BBS9: variants seen among roughly 807,000 people sequenced by gnomAD.
The protein encoded by BBS9 is protein PTHB1.
BBS9 carries 89 observed loss-of-function variants against 117.7 expected under a neutral mutation model. That is an observed-to-expected ratio of 0.76 (90% CI 0.64 to 0.90). The LOEUF (loss-of-function observed/expected upper bound fraction) is 0.90, where lower values mean the gene tolerates loss of function less well. Ranked by LOEUF, BBS9 falls within the 40% of genes least tolerant of loss-of-function variation. The pLI is 0.00. For missense variants in BBS9, 982 were observed against 1,042.2 expected, an observed-to-expected ratio of 0.94 and a Z score of 0.80; for synonymous variants, 379 against 370.9, an observed-to-expected ratio of 1.02 and a Z score of -0.25.
In BBS9 at chr7:33,223,367, C is replaced by T. The variant is rs546781633; in HGVS notation, c.443-33869C>T. On this transcript the variant is annotated intron_variant, in intron 5 of 22. Coordinates refer to ENST00000242067, the MANE Select transcript of BBS9 (RefSeq NM_198428.3). Reference sequence around the variant, plus strand: ...AGTATATGGTACACTACTATTAACTCTTGTCACCATGCTGTACAGTATATC... The same window carrying T: ...AGTATATGGTACACTACTATTAACTTTTGTCACCATGCTGTACAGTATATC... Among the ~76,000 whole-genome samples the T allele has an allele frequency of 1.3e-4, 20 of 152,258 alleles. 1 individual carries two copies. The South Asian group carries it at 3.7e-3, about 28-fold the overall frequency.
At chr7:33,494,884 A>G (rs1844501960) in intron 19 of BBS9, among the ~76,000 whole-genome samples, 3 of 152,188 alleles carry the variant, frequency 2.0e-5, no homozygotes, top group African/African-American at 7.2e-5. Flanking sequence ...AAAATAACCT[A>G]CAGTTTACCC....
At chr7:33,498,239 T>C (rs1367747223) in intron 19 of BBS9, among the ~76,000 whole-genome samples, 1 of 152,214 alleles carries the variant, frequency 6.6e-6, no homozygotes, top group Non-Finnish European at 1.5e-5. Context: ...CATTAATATA[T>C]CAAAATTGTT....
chr7:33,502,373 T>C (rs1052467819), intron 19 of BBS9, among the ~76,000 whole-genome samples: 1 of 152,152 alleles, frequency 6.6e-6, no homozygotes, highest in Admixed American at 6.5e-5. Flanking sequence ...GCTACCAATG[T>C]GAGGTCCCTG....
At chr7:33,323,653 T>C (rs1453693418) in intron 9 of BBS9, among the ~76,000 whole-genome samples, 1 of 152,016 alleles carries the variant, frequency 6.6e-6, no homozygotes, top group East Asian at 1.9e-4. Flanking sequence ...GTGTTTCTTG[T>C]AGGCAGCTGA....
chr7:33,498,133 A>G (rs1844980841), intron 19 of BBS9, among the ~76,000 whole-genome samples: 1 of 152,186 alleles, frequency 6.6e-6, no homozygotes, highest in Non-Finnish European at 1.5e-5. Context: ...AATAAGTAGC[A>G]TCACCAGTAG....
chr7:33,532,287 T>A (rs758029332), intron 20 of BBS9, among the ~76,000 whole-genome samples: 31 of 152,302 alleles, frequency 2.0e-4, no homozygotes, highest in Admixed American at 9.8e-4. Flanking sequence ...GGGAACAGAA[T>A]ACAGTGGAGC....
chr7:33,462,870 G>A (rs985783684), intron 19 of BBS9, among the ~76,000 whole-genome samples: 2 of 152,016 alleles, frequency 1.3e-5, no homozygotes, highest in African/African-American at 4.8e-5. Context: ...GCCATACTCT[G>A]TCCACTTTTT....
chr7:33,541,163 C>T (rs1180021574), intron 21 of BBS9, among the ~76,000 whole-genome samples: 1 of 152,068 alleles, frequency 6.6e-6, no homozygotes, highest in Non-Finnish European at 1.5e-5. Context: ...CCACATGTCT[C>T]CACCAATACT....
rs1280828128 is a variant in BBS9, at chr7:33,255,562, T to TTGAC, written c.443-1674_443-1673insTGAC. 2.0e-5 allele frequency among the ~76,000 whole-genome samples: 3 copies of TTGAC among 152,296 alleles called. No individual in the cohort carries two copies. The East Asian group carries it at 5.8e-4, about 29-fold the overall frequency. On this transcript the variant is annotated intron_variant, in intron 5 of 22. Transcript: ENST00000242067. ...ATAAAAACGACAATTCTTAGAACCA[T>TTGAC]AATTAAAATAAGAATTGATGCCCTT...
intron 19 of BBS9, among the ~76,000 whole-genome samples, chr7:33,480,179 T>G (rs1330989034): frequency 1.3e-5 from 2 of 152,200 alleles, no homozygotes; most frequent in Non-Finnish European, 2.9e-5. Context: ...GAGGAACAGT[T>G]GTAATGATTA....
chr7:33,531,050 GC>G (rs1850498875), intron 20 of BBS9, among the ~76,000 whole-genome samples: 1 of 152,102 alleles, frequency 6.6e-6, no homozygotes, highest in South Asian at 2.1e-4. Flanking sequence ...TTCAAGACCA[GC>G]CTGGCCAACA....
intron 9 of BBS9, among the ~76,000 whole-genome samples, chr7:33,304,644 C>T (rs936227730): frequency 6.6e-6 from 1 of 152,228 alleles, no homozygotes; most frequent in African/African-American, 2.4e-5. Context: ...TTGGAAGAGA[C>T]AGCGACCATC....
At chr7:33,338,302 A>G (rs1815799978) in intron 10 of BBS9, among the ~76,000 whole-genome samples, 1 of 152,196 alleles carries the variant, frequency 6.6e-6, no homozygotes, top group East Asian at 1.9e-4. Context: ...TTGTACCCTT[A>G]TAAAACCATG....
chr7:33,240,057 A>T (rs1335195865), intron 5 of BBS9, among the ~76,000 whole-genome samples: 3 of 151,974 alleles, frequency 2.0e-5, no homozygotes. Flanking sequence ...TTCCCCCCAA[A>T]CATTTATCCA....
chr7:33,598,436 G>A lies in BBS9; in HGVS notation c.2522-6429G>A, dbSNP rs548273975. Among the ~76,000 whole-genome samples the A allele has an allele frequency of 1.3e-5, 2 of 152,126 alleles. 1 individual carries two copies. The highest frequency in any genetic ancestry group is 1.3e-4 in the Admixed American group (2 of 15,266). On this transcript the variant is annotated intron_variant, in intron 21 of 22. Coordinates refer to ENST00000242067, the MANE Select transcript of BBS9 (RefSeq NM_198428.3). ...GACAATGAATGTTATGAAGTATTCT[G>A]GATAGCATCCTGAAAAAGACAAAGG...
chr7:33,446,456 A>G (rs570388353), intron 19 of BBS9, among the ~76,000 whole-genome samples: 8 of 152,180 alleles, frequency 5.3e-5, no homozygotes, highest in Non-Finnish European at 1.2e-4. Context: ...ACAATGTAAG[A>G]TGTCATAACT....
chr7:33,140,711 T>C (rs983025830), intron 1 of BBS9, among the ~76,000 whole-genome samples: 1 of 152,254 alleles, frequency 6.6e-6, no homozygotes, highest in Non-Finnish European at 1.5e-5. Context: ...GATATTATTA[T>C]GTTTTTTGAA....
intron 21 of BBS9, among the ~76,000 whole-genome samples, chr7:33,559,275 G>C (rs1053162686): frequency 3.3e-5 from 5 of 152,236 alleles, no homozygotes; most frequent in African/African-American, 1.2e-4. Context: ...AGAAACCGCA[G>C]GGTATTTGAT....
chr7:33,431,609 C>G (rs1163193984), intron 19 of BBS9, among the ~76,000 whole-genome samples: 24 of 152,186 alleles, frequency 1.6e-4, no homozygotes, highest in Non-Finnish European at 5.9e-5. Flanking sequence ...AAGGTGCCAT[C>G]TATGGACTAG....
Sources: gnomAD v4.1 joint callset for allele counts (sites outside exome capture counted in the v4.1 genomes callset) on GRCh38, gnomAD v4.1.1 for gene constraint, MANE v1.5 for transcripts, NCBI Gene and HGNC (gene_info 2026-07-23, HGNC 2026-07-21) for gene names.